Variants in PCDH15 observed in about 807,000 individuals in gnomAD.
The protein encoded by PCDH15 is protocadherin related 15.
In PCDH15, 129 loss-of-function variants were observed where a neutral mutation model predicts 178.5. That is an observed-to-expected ratio of 0.72 (90% CI 0.63 to 0.84). PCDH15 has a LOEUF of 0.84. Among genes scored for constraint, PCDH15 ranks in the 40% least tolerant of loss-of-function variants. The probability of loss-of-function intolerance (pLI) is 0.00; values close to 1 mark genes in which losing one functional copy is unlikely to be tolerated. For missense variants in PCDH15, 2,230 were observed against 2,099.9 expected, an observed-to-expected ratio of 1.06 and a Z score of -1.21; for synonymous variants, 800 against 732.0, an observed-to-expected ratio of 1.09 and a Z score of -1.50.
At chr10:53,969,415 C>A (rs1297544772) in intron 21 of PCDH15, among the ~76,000 whole-genome samples, 1 of 152,206 alleles carries the variant, frequency 6.6e-6, no homozygotes, top group African/African-American at 2.4e-5. Context: ...GAGAATGGAA[C>A]CAAGTTGGAA....
chr10:53,903,014 G>A (rs2082424594), intron 26 of PCDH15, among the ~76,000 whole-genome samples: 1 of 152,010 alleles, frequency 6.6e-6, no homozygotes, highest in Non-Finnish European at 1.5e-5. Context: ...GTAAAACATC[G>A]TAAGTATTTT....
intron 17 of PCDH15, among the ~76,000 whole-genome samples, chr10:54,073,037 T>C (rs1184413726): frequency 6.6e-6 from 1 of 152,142 alleles, no homozygotes; most frequent in Non-Finnish European, 1.5e-5. Flanking sequence ...TACATTATTG[T>C]CTAAGTAGGA....
At chr10:54,442,756 A>C (rs1212480010) in intron 3 of PCDH15, among the ~76,000 whole-genome samples, 4 of 151,490 alleles carry the variant, frequency 2.6e-5, no homozygotes, top group African/African-American at 9.7e-5. Context: ...TAAAGACTAC[A>C]ACATTTATTA....
chr10:54,251,660 C>G (rs2056482234), intron 8 of PCDH15, among the ~76,000 whole-genome samples: 1 of 152,014 alleles, frequency 6.6e-6, no homozygotes, highest in Admixed American at 6.6e-5. Context: ...CCTTCTTTAC[C>G]AAGAGGTTTG....
At chr10:54,900,447 A>G (rs978265815) in intron 2 of PCDH15, among the ~76,000 whole-genome samples, 1 of 152,190 alleles carries the variant, frequency 6.6e-6, no homozygotes. Context: ...AGTTTAGGAT[A>G]AAGTTTGTTA....
intron 1 of PCDH15, among the ~76,000 whole-genome samples, chr10:54,756,859 G>GAGT (rs1408848509): frequency 1.3e-5 from 2 of 152,122 alleles, no homozygotes; most frequent in African/African-American, 4.8e-5. Flanking sequence ...AACTGTCTTT[G>GAGT]AGTTACACTT....
chr10:54,984,528 G>T (rs545765147), intron 2 of PCDH15, among the ~76,000 whole-genome samples: 1 of 152,240 alleles, frequency 6.6e-6, no homozygotes, highest in Admixed American at 6.5e-5. Flanking sequence ...ATTCTTAATT[G>T]AACTTAAGCA....
intron 1 of PCDH15, among the ~76,000 whole-genome samples, chr10:55,250,531 A>ATTT (rs1554845274): frequency 2.2e-5 from 3 of 137,980 alleles, no homozygotes; most frequent in East Asian, 4.6e-4. Flanking sequence ...ATTTAAATAA[A>ATTT]TTCTTTTTTT....
chr10:54,409,366 G>A (rs189918522), intron 3 of PCDH15, among the ~76,000 whole-genome samples: 102 of 152,096 alleles, frequency 6.7e-4, no homozygotes, highest in Non-Finnish European at 1.1e-3. Flanking sequence ...AACTATTTAT[G>A]CCACTTAATA....
At chr10:54,168,450 G>A (rs1287097839) in intron 13 of PCDH15, among the ~76,000 whole-genome samples, 5 of 151,848 alleles carry the variant, frequency 3.3e-5, no homozygotes, top group East Asian at 2.0e-4. Flanking sequence ...TCGCCAGGCC[G>A]AGCTAGGTCC....
chr10:54,052,361 G>A (rs917574065), intron 18 of PCDH15, among the ~76,000 whole-genome samples: 4 of 152,202 alleles, frequency 2.6e-5, no homozygotes, highest in East Asian at 3.9e-4. Context: ...AGCTTCCCAC[G>A]GCTATGGGAG....
At chr10:55,223,253 T>C (rs753398797) in intron 1 of PCDH15, among the ~76,000 whole-genome samples, 4 of 152,134 alleles carry the variant, frequency 2.6e-5, no homozygotes, top group Non-Finnish European at 4.4e-5. Flanking sequence ...CAAGAGGCTA[T>C]TGCCAATAAG....
chr10:55,334,315 T>TA lies in PCDH15; in HGVS notation c.-155-167665_-155-167664insT, dbSNP rs1388100832. Among the ~76,000 whole-genome samples the TA allele has an allele frequency of 2.8e-3, 347 of 124,040 alleles. 11 individuals carry two copies. Among genetic ancestry groups the TA allele is most frequent in the African/African-American group, 4.9e-3 (155 of 31,554 alleles). The allele number at this position is 124,040 out of a possible 152,430, so 81.4% of individuals were successfully genotyped here. On this transcript the variant is annotated intron_variant, in intron 2 of 5. Transcript: ENST00000613346. Reference sequence around the variant, plus strand: ...GTATATATCTATATATATATATATATTTTTTTTTTGAGACAGAGTTTCGCT... The same window carrying TA: ...GTATATATCTATATATATATATATATATTTTTTTTTGAGACAGAGTTTCGCT...
chr10:54,634,197 C>T (rs1181245063), intron 2 of PCDH15, among the ~76,000 whole-genome samples: 1 of 148,218 alleles, frequency 6.7e-6, no homozygotes, highest in Admixed American at 6.7e-5. Flanking sequence ...GCACTGCTTT[C>T]TATACTTGTA....
chr10:54,214,438 T>C (rs1265054448), intron 9 of PCDH15, among the ~76,000 whole-genome samples: 1 of 152,196 alleles, frequency 6.6e-6, no homozygotes, highest in African/African-American at 2.4e-5. Flanking sequence ...AAATGATTAG[T>C]AATTTGTACC....
intron 28 of PCDH15, among the ~76,000 whole-genome samples, chr10:53,842,281 G>A (rs1272333023): frequency 6.6e-6 from 1 of 152,078 alleles, no homozygotes; most frequent in East Asian, 1.9e-4. Flanking sequence ...TTTTGAGATG[G>A]AGTCTCATTC....
intron 23 of PCDH15, among the ~76,000 whole-genome samples, chr10:53,951,632 C>T (rs1340508258): frequency 6.6e-6 from 1 of 152,234 alleles, no homozygotes; most frequent in African/African-American, 2.4e-5. Flanking sequence ...CTAAAATATA[C>T]AAACGTTTGT....
intron 2 of PCDH15, among the ~76,000 whole-genome samples, chr10:55,443,084 C>T (rs1203535974): frequency 1.3e-5 from 2 of 152,028 alleles, no homozygotes; most frequent in Non-Finnish European, 1.5e-5. Flanking sequence ...ACTGGCTAGC[C>T]ATATGCAGAA....
intron 1 of PCDH15, among the ~76,000 whole-genome samples, chr10:55,179,612 T>C (rs2132132848): frequency 6.6e-6 from 1 of 152,086 alleles, no homozygotes; most frequent in African/African-American, 2.4e-5. Context: ...CACTTACAGG[T>C]CCCCTCAGAT....
Sources: allele counts gnomAD v4.1 joint callset (sites outside exome capture counted in the v4.1 genomes callset), GRCh38; gene constraint gnomAD v4.1.1; transcripts MANE v1.5; gene names NCBI Gene and HGNC (gene_info 2026-07-23, HGNC 2026-07-21).